Variants in RSPRY1 observed in about 807,000 individuals in gnomAD.
RSPRY1 encodes RING finger and SPRY domain-containing protein 1.
RSPRY1 carries 23 observed loss-of-function variants against 73.1 expected under a neutral mutation model. The ratio of observed to expected loss-of-function variants is 0.31; its 90% CI spans 0.23 to 0.45. The LOEUF (loss-of-function observed/expected upper bound fraction) is 0.45. Among genes scored for constraint, RSPRY1 ranks in the 20% least tolerant of loss-of-function variants. RSPRY1 has a pLI of 1.00. For synonymous variants in RSPRY1, 226 were observed against 251.4 expected (o/e 0.90, Z 0.95); for missense variants, 448 against 698.7 (o/e 0.64, Z 4.05).
intron 1 of RSPRY1, among the ~76,000 whole-genome samples, chr16:57,192,769 G>A (rs6499870): frequency 0.82 from 122,656 of 149,560 alleles, 50,756 homozygotes; most frequent in Non-Finnish European, 0.88. Flanking sequence ...GCAGTGGTGC[G>A]ATCATGGTTT....
chr16:57,224,296 G>A (rs2075087373), intron 10 of RSPRY1: 1 of 152,222 alleles, frequency 6.6e-6, no homozygotes, highest in Non-Finnish European at 1.5e-5. Flanking sequence ...CCAAGCCTAG[G>A]TCATATCTTA....
chr16:57,234,309 T>G (rs1243932707), intron 13 of RSPRY1, among the ~76,000 whole-genome samples: 2 of 152,210 alleles, frequency 1.3e-5, no homozygotes, highest in East Asian at 3.8e-4. Context: ...GCTGCCATAT[T>G]TAAAATTGTT....
At position 57,218,930 on chromosome 16, in the gene RSPRY1, G is replaced by T. The variant is rs1301248385; in HGVS notation, c.902-1802G>T. Among the ~76,000 whole-genome samples the T allele has an allele frequency of 4.7e-5, 6 of 127,134 alleles. 1 individual carries two copies. Among genetic ancestry groups the T allele is most frequent in the Non-Finnish European group, 9.8e-5 (6 of 61,122 alleles). 83.4% of individuals were successfully genotyped at this position (127,134 alleles called of 152,430 possible). On this transcript the variant is annotated intron_variant, in intron 8 of 14. Coordinates refer to ENST00000394420, the MANE Select transcript of RSPRY1 (RefSeq NM_133368.3). ...TTTTTGTATTTTTAGTAGAGACGGG[G>T]TTTCACCGTTTTAGCCGGGATGGTC...
intron 14 of RSPRY1, among the ~76,000 whole-genome samples, chr16:57,237,387 C>G (rs1464165177): frequency 7.2e-5 from 11 of 152,106 alleles, no homozygotes; most frequent in Admixed American, 7.2e-4. Context: ...AAGTAATCCA[C>G]CTGCCTTGGC....
chr16:57,234,002 C>T (rs1157974908), intron 13 of RSPRY1, among the ~76,000 whole-genome samples: 7 of 152,202 alleles, frequency 4.6e-5, no homozygotes, highest in African/African-American at 7.2e-5. Flanking sequence ...GATGCCAGTG[C>T]GTGGCTTCTT....
At chr16:57,214,010 G>T in intron 6 of RSPRY1, 64 bp downstream of exon 6, 1 of 1,120,546 alleles carries the variant, frequency 8.9e-7, no homozygotes, top group Non-Finnish European at 1.4e-6. Flanking sequence ...CTAGAACTGT[G>T]CATTTTCTCA....
At chr16:57,236,485 T>G (rs1333795845) in intron 14 of RSPRY1, among the ~76,000 whole-genome samples, 1 of 152,160 alleles carries the variant, frequency 6.6e-6, no homozygotes, top group Non-Finnish European at 1.5e-5. Context: ...AAAGGAAACC[T>G]GGATAAAATG....
rs1176284362 is a variant in RSPRY1 at position 57,204,361 on chromosome 16, T to G, written c.-155-143T>G. ...GCGAATTCTGTTATCCAAAGCTATCTCTTTGTATTGGAAACCTATAAAAAT... is the reference window on the plus strand; with the variant it reads ...GCGAATTCTGTTATCCAAAGCTATCGCTTTGTATTGGAAACCTATAAAAAT... On this transcript the variant is annotated intron_variant, in intron 1 of 14. Coordinates refer to ENST00000394420, the MANE Select transcript of RSPRY1 (RefSeq NM_133368.3). The G allele has an allele frequency of 1.7e-4, 51 of 298,930 alleles. No homozygotes were observed. The East Asian group carries it at 3.2e-3, about 19-fold the overall frequency. 18.5% of individuals were successfully genotyped at this position (298,930 alleles called of 1,614,324 possible). A position where few individuals can be genotyped will look rare whatever the true frequency, so the allele number is the denominator to read the frequency against.
intron 1 of RSPRY1, among the ~76,000 whole-genome samples, chr16:57,196,032 AAAATAT>A (rs1476855290): frequency 2.0e-3 from 96 of 49,032 alleles, no homozygotes; most frequent in Admixed American, 6.8e-3. Flanking sequence ...AAAAAAAAAA[AAAATAT>A]ATATATATAT....
intron 7 of RSPRY1, 131 bp from the exon 8 acceptor site, chr16:57,216,773 A>C (rs2074948568): frequency 1.2e-6 from 1 of 856,058 alleles, no homozygotes; most frequent in African/African-American, 1.7e-5. Context: ...TTTCCCTAGA[A>C]ATTTTAATTG....
At chr16:57,222,994 G>GT (rs36021515) in intron 10 of RSPRY1, among the ~76,000 whole-genome samples, 5,537 of 152,070 alleles carry the variant, frequency 0.036, 300 homozygotes, top group East Asian at 0.23. Flanking sequence ...CTTAAATACT[G>GT]TTTTTTTATC....
intron 4 of RSPRY1, among the ~76,000 whole-genome samples, chr16:57,209,947 A>G (rs1453297667): frequency 1.3e-5 from 2 of 152,098 alleles, no homozygotes; most frequent in Non-Finnish European, 2.9e-5. Context: ...AAGTGCTGGC[A>G]TTGTAGGCGT....
At chr16:57,201,093 C>T (rs1279253075) in intron 1 of RSPRY1, among the ~76,000 whole-genome samples, 6 of 151,868 alleles carry the variant, frequency 4.0e-5, no homozygotes, top group Admixed American at 1.3e-4. Flanking sequence ...GGGTGGCTGC[C>T]GGGCGGAGAC....
intron 12 of RSPRY1, 83 bp from the exon 13 acceptor site, chr16:57,231,084 G>A: frequency 1.5e-6 from 2 of 1,327,686 alleles, no homozygotes; most frequent in South Asian, 1.3e-5. Context: ...GACTCACCCT[G>A]CCTTTCTGAA....
intron 1 of RSPRY1, among the ~76,000 whole-genome samples, chr16:57,198,088 A>T (rs1211210857): frequency 6.6e-6 from 1 of 152,028 alleles, no homozygotes; most frequent in Non-Finnish European, 1.5e-5. Flanking sequence ...CAATCACCTT[A>T]AAATTGTACT....
chr16:57,237,273 A>G (rs1231508874), intron 14 of RSPRY1, among the ~76,000 whole-genome samples: 1 of 151,730 alleles, frequency 6.6e-6, no homozygotes, highest in African/African-American at 2.4e-5. Context: ...CCTCCCGAGT[A>G]GCTTGGATTA....
At chr16:57,193,772 T>C (rs1250324524) in intron 1 of RSPRY1, among the ~76,000 whole-genome samples, 1 of 152,214 alleles carries the variant, frequency 6.6e-6, no homozygotes, top group African/African-American at 2.4e-5. Flanking sequence ...GTGCTTAAGA[T>C]TTGCACATTT....
chr16:57,206,435 A>T (rs566965233), intron 2 of RSPRY1, among the ~76,000 whole-genome samples: 1 of 152,222 alleles, frequency 6.6e-6, no homozygotes, highest in Non-Finnish European at 1.5e-5. Context: ...AAAATTTTTT[A>T]AATCCCTTGT....
At chr16:57,238,610 A>G (rs1347537190) in intron 14 of RSPRY1, among the ~76,000 whole-genome samples, 1 of 152,252 alleles carries the variant, frequency 6.6e-6, no homozygotes, top group Non-Finnish European at 1.5e-5. Flanking sequence ...CCCTACCTAT[A>G]AGTGCACATC....
Sources: allele counts gnomAD v4.1 joint callset (sites outside exome capture counted in the v4.1 genomes callset), GRCh38; gene constraint gnomAD v4.1.1; transcripts MANE v1.5; gene names NCBI Gene and HGNC (gene_info 2026-07-23, HGNC 2026-07-21).